The following CFAP92 variants were observed in gnomAD, a reference collection of about 807,000 sequenced individuals.
CFAP92 encodes the protein uncharacterized protein CFAP92.
A neutral mutation model predicts 106.3 loss-of-function variants in CFAP92; 86 were observed. That is an observed-to-expected ratio of 0.81 (90% CI 0.68 to 0.97). The LOEUF (loss-of-function observed/expected upper bound fraction) is 0.97, where lower values mean the gene tolerates loss of function less well. CFAP92 is among the 50% of genes least tolerant of loss of function. The pLI is 0.00. For missense variants in CFAP92, 1,204 were observed against 1,283.8 expected, an observed-to-expected ratio of 0.94 and a Z score of 0.95; for synonymous variants, 477 against 506.4, an observed-to-expected ratio of 0.94 and a Z score of 0.78.
rs1042179306 is a variant in CFAP92, at chr3:128,946,007, C to G, written c.1354-32G>C. 5.0e-6 allele frequency: 7 copies of G among 1,395,116 alleles called. No homozygotes were observed. The South Asian group carries it at 6.6e-5, about 13-fold the overall frequency. 86.4% of individuals were successfully genotyped at this position (1,395,116 alleles called of 1,614,324 possible). On this transcript the variant is annotated intron_variant, in intron 9 of 15. Coordinates refer to ENST00000645291, the MANE Select transcript of CFAP92 (RefSeq NM_001394090.1). ...GAGAGCAGGGCCACAGCAGGTCACC[C>G]AGCCACAAGGACAGTCACTCAGCCC...
chr3:128,915,429 C>T lies in CFAP92; in HGVS notation c.3051G>A (p.Val1017=). ...QAWLTARGFQ[V]TGLQSDTESS... is the part of the protein sequence containing the mutation. ...TTTCGGTGTCGCTCTGAAGACCTGT[C>T]ACTTGGAATCCCCTGGCTGTGAGCC... The change falls in exon 14 of 16, where the codon GTG becomes GTA. Residue 1017 remains valine (V), a synonymous_variant. Coordinates refer to ENST00000645291, the MANE Select transcript of CFAP92 (RefSeq NM_001394090.1). The T allele has an allele frequency of 6.5e-7, 1 of 1,536,110 alleles. No homozygotes were observed. Among genetic ancestry groups the T allele is most frequent in the Non-Finnish European group, 8.7e-7 (1 of 1,146,918 alleles).
chr3:128,957,195 G>T (rs1301617555), intron 9 of CFAP92, among the ~76,000 whole-genome samples: 1 of 152,204 alleles, frequency 6.6e-6, no homozygotes, highest in Non-Finnish European at 1.5e-5. Context: ...TAGAAAGGAA[G>T]AAAGGATAAT....
intron 8 of CFAP92, chr3:128,967,846 T>TG (rs1942497779): frequency 6.6e-6 from 1 of 152,240 alleles, no homozygotes; most frequent in African/African-American, 2.4e-5. Context: ...TCCACACTGC[T>TG]GACAGTTGGG....
chr3:128,933,875 T>TAG lies in CFAP92; in HGVS notation c.2454-879_2454-878insCT, dbSNP rs1938684074. Among the ~76,000 whole-genome samples the TAG allele has an allele frequency of 9.9e-5, 15 of 152,198 alleles. 1 individual carries two copies. In the South Asian group the frequency reaches 3.1e-3, roughly 32 times the overall value. On this transcript the variant is annotated intron_variant, in intron 11 of 15. Coordinates refer to ENST00000645291, the MANE Select transcript of CFAP92 (RefSeq NM_001394090.1). Reference sequence around the variant, plus strand: ...AGCCTCTTAGCCCCGACCAAGTTCTTTCTCCTTCCTATCTCTCCAGCCTCC... The same window carrying TAG: ...AGCCTCTTAGCCCCGACCAAGTTCTTAGTCTCCTTCCTATCTCTCCAGCCTCC...
intron 4 of CFAP92, among the ~76,000 whole-genome samples, chr3:128,980,860 C>T (rs879915367): frequency 2.0e-5 from 3 of 152,102 alleles, no homozygotes; most frequent in Non-Finnish European, 2.9e-5. Context: ...TTGCTGTTTC[C>T]ACCACATCTG....
At chr3:129,004,129 T>G, upstream of CFAP92, 4 of 1,411,820 alleles carry the variant, frequency 2.8e-6, no homozygotes, top group Non-Finnish European at 3.7e-6. Context: ...GGCTCCCATT[T>G]TCCCAAACTT....
At chr3:128,934,153 C>CT (rs1328412745) in intron 11 of CFAP92, among the ~76,000 whole-genome samples, 1 of 152,044 alleles carries the variant, frequency 6.6e-6, no homozygotes, top group Non-Finnish European at 1.5e-5. Context: ...GTCATCTCTG[C>CT]TTCTGAACTG....
chr3:128,927,742 T>G (rs895833531), intron 12 of CFAP92, among the ~76,000 whole-genome samples: 26 of 149,368 alleles, frequency 1.7e-4, no homozygotes, highest in African/African-American at 6.3e-4. Flanking sequence ...AAAAAAAAAT[T>G]AATTCTATTT....
upstream of CFAP92, chr3:129,004,189 A>G: frequency 8.0e-7 from 1 of 1,244,552 alleles, no homozygotes; most frequent in Non-Finnish European, 1.0e-6. Context: ...CAGTTTCTCC[A>G]TGCGTTTATT....
chr3:128,976,868 T>C, intron 6 of CFAP92, 111 bp downstream of exon 6: 1 of 807,796 alleles, frequency 1.2e-6, no homozygotes, highest in Admixed American at 2.0e-5. Flanking sequence ...TAGCCTGGAT[T>C]GCATGAGATC....
the CFAP92 span, among the ~76,000 whole-genome samples, chr3:129,026,468 T>TA: frequency 1.3e-5 from 2 of 152,198 alleles, no homozygotes; most frequent in African/African-American, 4.8e-5. Context: ...CCTGCTGACA[T>TA]ACCTCCTCTG....
At chr3:128,990,062 A>G (rs1467051180) in intron 2 of CFAP92, among the ~76,000 whole-genome samples, 1 of 152,270 alleles carries the variant, frequency 6.6e-6, no homozygotes, top group African/African-American at 2.4e-5. Context: ...AAATGGACGT[A>G]AAGAATGTCT....
At chr3:128,963,808 A>C (rs1942146422) in intron 9 of CFAP92, among the ~76,000 whole-genome samples, 2 of 149,584 alleles carry the variant, frequency 1.3e-5, no homozygotes, top group South Asian at 4.3e-4. Context: ...ATAACTTCTC[A>C]GTGTTCCATC....
intron 7 of CFAP92, among the ~76,000 whole-genome samples, chr3:128,974,336 A>G (rs1315409668): frequency 6.6e-6 from 1 of 152,200 alleles, no homozygotes; most frequent in Non-Finnish European, 1.5e-5. Flanking sequence ...CTGGCTCTAG[A>G]TTTTCCCACC....
At chr3:128,997,795 G>A (rs1944537325), upstream of CFAP92, among the ~76,000 whole-genome samples, 2 of 152,154 alleles carry the variant, frequency 1.3e-5, no homozygotes, top group Non-Finnish European at 2.9e-5. Flanking sequence ...GTGTGGATGT[G>A]TTTTCATCTC....
chr3:128,910,662 C>CTGAT lies in CFAP92; in HGVS notation c.3281-333_3281-330dup, dbSNP rs3830293. The CTGAT allele has an allele frequency of 0.23, 345,640 of 1,503,362 alleles. 43,025 individuals carry two copies. The highest frequency in any genetic ancestry group is 0.57 in the East Asian group (25,148 of 44,276). 93.1% of individuals were successfully genotyped at this position (1,503,362 alleles called of 1,614,324 possible). A position where few individuals can be genotyped will look rare whatever the true frequency, so the allele number is the denominator to read the frequency against. On this transcript the variant is annotated intron_variant, in intron 15 of 15. Coordinates refer to ENST00000645291, the MANE Select transcript of CFAP92 (RefSeq NM_001394090.1). ...ACCCCTGCCATGCTACCCAGTTTGGCTGATAGGCTGGGTTTTTGAAGCTCA... is the reference window on the plus strand; with the variant it reads ...ACCCCTGCCATGCTACCCAGTTTGGCTGATTGATAGGCTGGGTTTTTGAAGCTCA...
chr3:129,005,875 G>T (rs910014304), upstream of CFAP92, among the ~76,000 whole-genome samples: 2 of 152,374 alleles, frequency 1.3e-5, no homozygotes, highest in Admixed American at 6.5e-5. Context: ...TTGGCTTGAG[G>T]CCCACATCCA....
At chr3:128,913,574 C>T (rs1009026977) in intron 15 of CFAP92, among the ~76,000 whole-genome samples, 5 of 152,078 alleles carry the variant, frequency 3.3e-5, no homozygotes, top group African/African-American at 1.2e-4. Context: ...TGGACACTCC[C>T]TTGAGCACAG....
chr3:128,994,753 G>C (rs1344701905), upstream of CFAP92, among the ~76,000 whole-genome samples: 1 of 152,212 alleles, frequency 6.6e-6, no homozygotes, highest in African/African-American at 2.4e-5. Flanking sequence ...AGCCCTGGCT[G>C]CGGCTCCTAA....
Sources: gnomAD v4.1 joint callset for allele counts (sites outside exome capture counted in the v4.1 genomes callset) on GRCh38, gnomAD v4.1.1 for gene constraint, MANE v1.5 for transcripts, NCBI Gene and HGNC (gene_info 2026-07-23, HGNC 2026-07-21) for gene names.